SLC12A8: variants seen among roughly 807,000 people sequenced by gnomAD.
SLC12A8 encodes the protein solute carrier family 12 member 8.
SLC12A8 carries 69 observed loss-of-function variants against 75.6 expected under a neutral mutation model. The observed-to-expected ratio is 0.91, with a 90% CI of 0.75 to 1.11. The LOEUF (loss-of-function observed/expected upper bound fraction) is 1.11. SLC12A8 is among the 50% of genes most tolerant of loss of function. The probability of loss-of-function intolerance (pLI) is 0.00; values close to 1 mark genes in which losing one functional copy is unlikely to be tolerated. For missense variants in SLC12A8, 877 were observed against 896.7 expected (o/e 0.98, Z 0.28); for synonymous variants, 365 against 372.8 (o/e 0.98, Z 0.24).
chr3:125,190,675 A>ACT, intron 2 of SLC12A8, 154 bp from the exon 3 acceptor site: 1 of 771,542 alleles, frequency 1.3e-6, no homozygotes, highest in Non-Finnish European at 2.2e-6. Context: ...ACACACATGC[A>ACT]TGCACATACA....
At chr3:125,182,806 T>TGCAAGCTTTTAAAATCA (rs1270608889) in intron 4 of SLC12A8, among the ~76,000 whole-genome samples, 3 of 152,200 alleles carry the variant, frequency 2.0e-5, no homozygotes, top group East Asian at 1.9e-4. Context: ...GCGCCTGGCC[T>TGCAAGCTTTTAAAATCA]TGGCCTTGTC....
At chr3:125,101,637 A>G (rs555104269) in intron 10 of SLC12A8, among the ~76,000 whole-genome samples, 12 of 152,334 alleles carry the variant, frequency 7.9e-5, no homozygotes, top group African/African-American at 2.6e-4. Context: ...TAGTTAAAAA[A>G]TCTCTCTTGC....
rs141485590 is a variant in SLC12A8 at position 125,144,808 on chromosome 3, G to A, written c.623-9026C>T. Among the ~76,000 whole-genome samples, 869 of 152,210 alleles carry A rather than the reference G, an allele frequency of 5.7e-3. 6 individuals carry two copies. The highest frequency in any genetic ancestry group is 0.018 in the African/African-American group (747 of 41,518). The stretch of plus-strand genomic sequence containing the variant: ...GCCCCACTGTTGCTTGGATATCCTC[G>A]CCAGGCAGGCAGCTGAGACGGGGTG... On this transcript the variant is annotated intron_variant, in intron 5 of 13. Coordinates refer to ENST00000469902, the MANE Select transcript of SLC12A8 (RefSeq NM_024628.6).
At chr3:125,166,115 G>C (rs965158531) in intron 5 of SLC12A8, among the ~76,000 whole-genome samples, 1 of 152,010 alleles carries the variant, frequency 6.6e-6, no homozygotes, top group Non-Finnish European at 1.5e-5. Flanking sequence ...CTGCTCCCAT[G>C]CTGCGGGGCG....
chr3:125,174,866 C>G (rs1934485797), intron 5 of SLC12A8, among the ~76,000 whole-genome samples: 1 of 152,196 alleles, frequency 6.6e-6, no homozygotes, highest in South Asian at 2.1e-4. Context: ...TGAAACTCAT[C>G]TGTATGATGC....
intron 5 of SLC12A8, among the ~76,000 whole-genome samples, chr3:125,174,815 G>A (rs1287258303): frequency 6.6e-6 from 1 of 152,200 alleles, no homozygotes; most frequent in Non-Finnish European, 1.5e-5. Context: ...CCAGGAGTTG[G>A]GGAGCATTAA....
intron 12 of SLC12A8, 100 bp from the exon 13 acceptor site, chr3:125,088,470 A>G (rs924215611): frequency 1.7e-5 from 15 of 894,048 alleles, no homozygotes; most frequent in Non-Finnish European, 2.8e-5. Context: ...ATACACACAC[A>G]CGCACAGAAT....
chr3:125,140,328 G>C (rs510348), intron 5 of SLC12A8, among the ~76,000 whole-genome samples: 35,239 of 152,092 alleles, frequency 0.23, 4,411 homozygotes, highest in South Asian at 0.4. Context: ...GAAAAAGCTT[G>C]TCCGAGGGTT....
intron 5 of SLC12A8, among the ~76,000 whole-genome samples, chr3:125,164,203 C>T (rs75630625): frequency 0.02 from 3,008 of 152,252 alleles, 52 homozygotes; most frequent in Non-Finnish European, 0.032. Context: ...TCCAAGGGCA[C>T]CCCAGAGCCA....
At chr3:125,135,127 G>A (rs905859888) in intron 6 of SLC12A8, among the ~76,000 whole-genome samples, 2 of 152,222 alleles carry the variant, frequency 1.3e-5, no homozygotes, top group Non-Finnish European at 2.9e-5. Flanking sequence ...AGGGTAAGGA[G>A]ATTCATTCCT....
intron 5 of SLC12A8, among the ~76,000 whole-genome samples, chr3:125,163,511 A>T (rs2045529387): frequency 1.3e-5 from 2 of 151,078 alleles, no homozygotes; most frequent in Admixed American, 1.3e-4. Context: ...AGGCAGGAGA[A>T]TGGTGTGAAC....
intron 10 of SLC12A8, among the ~76,000 whole-genome samples, chr3:125,106,152 T>TAA (rs919050845): frequency 2.0e-5 from 3 of 152,038 alleles, no homozygotes; most frequent in African/African-American, 7.2e-5. Context: ...TAGAGAAGGG[T>TAA]AAAAGGGGTG....
chr3:125,104,741 A>G (rs1263129990), intron 10 of SLC12A8, among the ~76,000 whole-genome samples: 2 of 152,244 alleles, frequency 1.3e-5, no homozygotes, highest in Admixed American at 1.3e-4. Context: ...ATTCCAACCA[A>G]TGAAATATGA....
chr3:125,103,791 C>A (rs899411029), intron 10 of SLC12A8, among the ~76,000 whole-genome samples: 1 of 152,066 alleles, frequency 6.6e-6, no homozygotes, highest in African/African-American at 2.4e-5. Context: ...TGCCACTATA[C>A]CCCCACTAAT....
rs369264444 is a variant in SLC12A8 at position 125,133,114 on chromosome 3, T to TG, written c.736+2554dup. ...TGAGTAGGGGATACAAGAATGGACA[T>TG]GGGGAGCCATGTTGTTTGGCTTTGA... On this transcript the variant is annotated intron_variant, in intron 6 of 13. Transcript: ENST00000469902. Among the ~76,000 whole-genome samples the TG allele has an allele frequency of 4.1e-3, 631 of 152,110 alleles. 9 individuals carry two copies. The highest frequency in any genetic ancestry group is 0.014 in the African/African-American group (600 of 41,478).
intron 8 of SLC12A8, among the ~76,000 whole-genome samples, chr3:125,111,932 T>C (rs1420978105): frequency 6.6e-6 from 1 of 152,220 alleles, no homozygotes; most frequent in Non-Finnish European, 1.5e-5. Context: ...AGGAACAGCT[T>C]GGCCAGGATG....
chr3:125,153,392 A>G (rs1364011524), intron 5 of SLC12A8, among the ~76,000 whole-genome samples: 2 of 152,184 alleles, frequency 1.3e-5, no homozygotes, highest in Non-Finnish European at 2.9e-5. Flanking sequence ...TCTCTCAGCT[A>G]CCACCAGTGC....
rs761887751 is a variant in SLC12A8 at position 125,110,233 on chromosome 3, C to A, written c.1015G>T (p.Ala339Ser). The change falls in exon 9 of 14, where the codon GCC becomes TCC. Residue 339 changes from alanine to serine, a missense_variant. Physicochemically the swap from Ala to Ser is moderately conservative, Grantham distance 99. Transcript: ENST00000469902. ...AGTGCAGGGATCACTTTCTCCTGGG[C>A]AATGCACTGCAGGATGCGGGGAGCT... is the stretch of plus-strand genomic sequence containing the variant. ...YGAPRILQCIAQEKVIPALAC... is the reference protein window; with the variant it reads ...YGAPRILQCISQEKVIPALAC... 1 of 1,614,044 alleles carries A rather than the reference C, an allele frequency of 6.2e-7. No individual in the cohort carries two copies. Among genetic ancestry groups the A allele is most frequent in the South Asian group, 1.1e-5 (1 of 91,082 alleles).
At chr3:125,208,789 CACAGAGAGAGAGAG>C (rs1935278231) in intron 2 of SLC12A8, among the ~76,000 whole-genome samples, 2 of 98,444 alleles carry the variant, frequency 2.0e-5, no homozygotes, top group Non-Finnish European at 4.4e-5. Flanking sequence ...CACACACACA[CACAGAGAGAGAGAG>C]AGAGAGAGAG....
Sources: gnomAD v4.1 joint callset for allele counts (sites outside exome capture counted in the v4.1 genomes callset) on GRCh38, gnomAD v4.1.1 for gene constraint, MANE v1.5 for transcripts, NCBI Gene and HGNC (gene_info 2026-07-23, HGNC 2026-07-21) for gene names.